Variants in NCOR2 observed in about 807,000 individuals in gnomAD.
The protein encoded by NCOR2 is CTG repeat protein 26.
In NCOR2, 81 loss-of-function variants were observed where a neutral mutation model predicts 262.9. The ratio of observed to expected loss-of-function variants is 0.31; its 90% confidence interval spans 0.26 to 0.37. The LOEUF is 0.37. NCOR2 is among the 10% of genes least tolerant of loss of function. The pLI, the probability that NCOR2 is intolerant of heterozygous loss-of-function variation, is 1.00. For synonymous variants in NCOR2, 1,659 were observed against 1,559.3 expected, an observed-to-expected ratio of 1.06 and a Z score of -1.51; for missense variants, 3,385 against 3,621.4, an observed-to-expected ratio of 0.93 and a Z score of 1.68.
chr12:124,422,230 C>G (rs80271182), intron 12 of NCOR2, among the ~76,000 whole-genome samples: 4,535 of 152,360 alleles, frequency 0.03, 123 homozygotes, highest in Admixed American at 0.088. Context: ...GAAGCCTGGC[C>G]GTGCAGCTCT....
At chr12:124,480,359 G>C (rs2047383892) in intron 3 of NCOR2, among the ~76,000 whole-genome samples, 1 of 152,204 alleles carries the variant, frequency 6.6e-6, no homozygotes, top group Admixed American at 6.5e-5. Flanking sequence ...GCCCCACCCT[G>C]GCCTGGGCAG....
intron 3 of NCOR2, among the ~76,000 whole-genome samples, chr12:124,479,848 C>G (rs1406528449): frequency 6.6e-6 from 1 of 152,232 alleles, no homozygotes; most frequent in Non-Finnish European, 1.5e-5. Flanking sequence ...CTCCCAGCTG[C>G]CTGGGCCTGA....
intron 4 of NCOR2, among the ~76,000 whole-genome samples, chr12:124,470,964 G>A (rs2136685815): frequency 6.6e-6 from 1 of 152,338 alleles, no homozygotes; most frequent in East Asian, 1.9e-4. Context: ...CCAAGGCCAG[G>A]CCTGGAAGCC....
chr12:124,327,967 A>G (rs1448074711), intron 44 of NCOR2, among the ~76,000 whole-genome samples: 1 of 151,632 alleles, frequency 6.6e-6, no homozygotes, highest in East Asian at 1.9e-4. Context: ...GTCCTCTGGG[A>G]AATCACAAGC....
chr12:124,333,945 GGTGTGCACGTGTGT>G (rs2035595179), intron 41 of NCOR2, among the ~76,000 whole-genome samples: 1 of 142,366 alleles, frequency 7.0e-6, no homozygotes, highest in Admixed American at 6.9e-5. Flanking sequence ...CATGTGTGTG[GGTGTGCACGTGTGT>G]GTGTGCGGGT....
chr12:124,472,973 G>C, exon 4 of NCOR2: 2 of 1,614,166 alleles, frequency 1.2e-6, no homozygotes, highest in Non-Finnish European at 1.7e-6. Flanking sequence ...TCAGCTTAGA[G>C]ATCTGCTGCT....
chr12:124,437,432 C>T (rs183710932), intron 8 of NCOR2, among the ~76,000 whole-genome samples: 2 of 152,352 alleles, frequency 1.3e-5, no homozygotes, highest in East Asian at 3.9e-4. Flanking sequence ...GATGAGGCCA[C>T]TGGCCACAAA....
intron 6 of NCOR2, among the ~76,000 whole-genome samples, chr12:124,451,197 C>G (rs1402044995): frequency 6.6e-6 from 1 of 152,238 alleles, no homozygotes; most frequent in Non-Finnish European, 1.5e-5. Context: ...GTGGTGCAAC[C>G]CAGCCTGGGC....
chr12:124,565,081 C>T (rs2052191909), intron 1 of NCOR2, among the ~76,000 whole-genome samples: 1 of 152,192 alleles, frequency 6.6e-6, no homozygotes, highest in East Asian at 1.9e-4. Context: ...CATAACCAAA[C>T]CCTCTCCGAG....
At chr12:124,512,685 C>G (rs1167743521) in intron 1 of NCOR2, among the ~76,000 whole-genome samples, 1 of 152,178 alleles carries the variant, frequency 6.6e-6, no homozygotes, top group Non-Finnish European at 1.5e-5. Context: ...CCAGCGGAAC[C>G]CCATGAAGCA....
intron 9 of NCOR2, 104 bp downstream of exon 11, chr12:124,430,511 T>G: frequency 7.2e-7 from 1 of 1,396,044 alleles, no homozygotes; most frequent in East Asian, 2.3e-5. Flanking sequence ...CCTGAGAAGC[T>G]GCTGTGCTGT....
chr12:124,374,368 CCCCGGCCCGG>C, intron 19 of NCOR2, 35 bp downstream of exon 21: 5 of 1,598,388 alleles, frequency 3.1e-6, no homozygotes, highest in Non-Finnish European at 4.3e-6. Flanking sequence ...GGGATGCCCG[CCCCGGCCCGG>C]CCCTACCCCC....
intron 30 of NCOR2, chr12:124,347,507 G>C (rs773192748): frequency 1.5e-5 from 5 of 338,628 alleles, no homozygotes; most frequent in Non-Finnish European, 2.2e-5. Context: ...TCTCCCAATC[G>C]CATGTGCCTC....
rs2036473494 is a variant in NCOR2, at chr12:124,341,678, C to A, written c.5188+145G>T. 2.9e-5 allele frequency: 38 copies of A among 1,293,808 alleles called. 1 individual carries two copies. In the South Asian group the frequency reaches 4.8e-4, roughly 16 times the overall value. 80.1% of individuals were successfully genotyped at this position (1,293,808 alleles called of 1,614,324 possible). A position where few individuals can be genotyped will look rare whatever the true frequency, so the allele number is the denominator to read the frequency against. The stretch of plus-strand genomic sequence containing the variant: ...CAACCAGCACCCACAGCACGCACAA[C>A]CCCAGGCCACCCACTCAGGTCCGTT... On this transcript the variant is annotated intron_variant, in intron 34 of 46. Transcript: ENST00000405201.
intron 5 of NCOR2, among the ~76,000 whole-genome samples, chr12:124,464,422 C>A (rs753988421): frequency 6.6e-6 from 1 of 152,202 alleles, no homozygotes; most frequent in Non-Finnish European, 1.5e-5. Flanking sequence ...CCACTTTGGG[C>A]TCCTGGAGCC....
In NCOR2 at chr12:124,548,969, AC is replaced by A. The variant is rs2051625838; in HGVS notation, c.-164-13359del. 1.3e-5 allele frequency among the ~76,000 whole-genome samples: 2 copies of A among 151,934 alleles called. No individual in the cohort carries two copies. Among genetic ancestry groups the A allele is most frequent in the Admixed American group, 1.3e-4 (2 of 15,264 alleles). ...CCCTCTCGTTTCCCCGCTTCCCCTTACCCGACGGTTGGGGCACCGCACAGAT... is the reference window on the plus strand; with the variant it reads ...CCCTCTCGTTTCCCCGCTTCCCCTTACCGACGGTTGGGGCACCGCACAGAT... On this transcript the variant is annotated intron_variant, in intron 1 of 32. Transcript: ENST00000458234. The surrounding 1 kb of genome is among the most constrained non-coding windows in gnomAD (Gnocchi z 5.1).
intron 1 of NCOR2, among the ~76,000 whole-genome samples, chr12:124,527,367 G>C (rs1454889956): frequency 6.6e-6 from 1 of 152,188 alleles, no homozygotes. Context: ...GTAAAGAGGG[G>C]ATGATGATAA....
intron 41 of NCOR2, among the ~76,000 whole-genome samples, chr12:124,333,566 G>A (rs2035429345): frequency 6.6e-6 from 1 of 151,954 alleles, no homozygotes; most frequent in Admixed American, 6.6e-5. Flanking sequence ...ATTGACCCCT[G>A]CTCTGAATTC....
intron 16 of NCOR2, 117 bp from the exon 19 acceptor site, chr12:124,386,004 G>T: frequency 7.8e-7 from 1 of 1,285,620 alleles, no homozygotes; most frequent in African/African-American, 1.5e-5. Context: ...GGGGCTCCCT[G>T]CTCAGGCCCA....
Sources: gnomAD v4.1 joint callset for allele counts (sites outside exome capture counted in the v4.1 genomes callset) on GRCh38, gnomAD v4.1.1 for gene constraint, Gnocchi (gnomAD v3.1) non-coding constraint, MANE v1.5 for transcripts, NCBI Gene and HGNC (gene_info 2026-07-23, HGNC 2026-07-21) for gene names.